The following RANBP17 variants were observed in gnomAD, a reference collection of about 807,000 sequenced individuals.
The protein encoded by RANBP17 is RAN binding protein 17, also known as ran-binding protein 17.
In RANBP17, 158 loss-of-function variants were observed where a neutral mutation model predicts 141.2. That is an observed-to-expected ratio of 1.12 (90% CI 0.98 to 1.28). RANBP17 has a LOEUF of 1.28. Ranked by LOEUF, RANBP17 falls within the 50% of genes most tolerant of loss-of-function variation. The pLI, the probability that RANBP17 is intolerant of heterozygous loss-of-function variation, is 0.00. For missense variants in RANBP17, 1,438 were observed against 1,290.7 expected (o/e 1.11, Z -1.75); for synonymous variants, 430 against 450.0 (o/e 0.96, Z 0.56).
At chr5:170,886,852 G>A (rs928037988) in intron 3 of RANBP17, among the ~76,000 whole-genome samples, 1 of 151,396 alleles carries the variant, frequency 6.6e-6, no homozygotes, top group African/African-American at 2.4e-5. Flanking sequence ...TTCTAGAGAT[G>A]GGGTTTCACC....
chr5:170,911,344 A>T, intron 7 of RANBP17: 1 of 578,232 alleles, frequency 1.7e-6, no homozygotes, highest in Non-Finnish European at 3.0e-6. Context: ...AGGAAAAAAG[A>T]AAAAACAAGG....
chr5:170,926,709 A>AC lies in RANBP17; in HGVS notation c.1468+2159_1468+2160insC, dbSNP rs562582624. Among the ~76,000 whole-genome samples the AC allele has an allele frequency of 4.1e-4, 63 of 151,978 alleles. 1 individual carries two copies. In the South Asian group the frequency reaches 0.013, roughly 31 times the overall value. On this transcript the variant is annotated intron_variant, in intron 12 of 27. Transcript: ENST00000523189. ...GTATTTCATTGTGCAAAAATTAAAA[A>AC]ACTTAAAATGTGTTCTGTTCCAGTG...
At chr5:170,878,406 A>G (rs1768375447) in intron 2 of RANBP17, among the ~76,000 whole-genome samples, 163 bp downstream of exon 2, 1 of 152,170 alleles carries the variant, frequency 6.6e-6, no homozygotes, top group Non-Finnish European at 1.5e-5. Context: ...CAGGAAAAGA[A>G]TTGGAAAACC....
intron 14 of RANBP17, among the ~76,000 whole-genome samples, chr5:171,124,365 A>G (rs571697184): frequency 8.5e-5 from 13 of 152,282 alleles, no homozygotes; most frequent in Non-Finnish European, 8.8e-5. Context: ...ATGAGATGCC[A>G]TAAAGTAACC....
rs1355462066 is a variant in RANBP17, at chr5:171,084,423, T to C, written c.1711-85707T>C. 5.8e-3 allele frequency among the ~76,000 whole-genome samples: 714 copies of C among 122,484 alleles called. 4 individuals are homozygous for C. Among genetic ancestry groups the C allele is most frequent in the Middle Eastern group, 0.012 (3 of 242 alleles). 80.4% of individuals were successfully genotyped at this position (122,484 alleles called of 152,430 possible). A position where few individuals can be genotyped will look rare whatever the true frequency, so the allele number is the denominator to read the frequency against. On this transcript the variant is annotated intron_variant, in intron 14 of 27. Coordinates refer to ENST00000523189, the MANE Select transcript of RANBP17 (RefSeq NM_022897.5). ...TTTGAATAGTGCCACAATAAACATA[T>C]GTGTGCATGTGTCTTTATAGCAGCA...
chr5:170,995,281 T>C (rs1778742237), intron 14 of RANBP17, among the ~76,000 whole-genome samples: 1 of 152,132 alleles, frequency 6.6e-6, no homozygotes, highest in South Asian at 2.1e-4. Context: ...ATGTTGTCTT[T>C]TACAAGGTGT....
At chr5:171,141,335 A>T (rs552189178) in intron 14 of RANBP17, among the ~76,000 whole-genome samples, 1 of 151,638 alleles carries the variant, frequency 6.6e-6, no homozygotes, top group Non-Finnish European at 1.5e-5. Flanking sequence ...AGTGCCTCAC[A>T]CCTGTAATCC....
Position 171,053,278 on chromosome 5 carries a change from G to A in RANBP17, c.1710+84901G>A, listed in dbSNP as rs901531427. ...ACATGGGTAAATTGTGTGTTGCTGA[G>A]GTTCAGTGTACGAATGATCCCATCA... On this transcript the variant is annotated intron_variant, in intron 14 of 27. Coordinates refer to ENST00000523189, the MANE Select transcript of RANBP17 (RefSeq NM_022897.5). Among the ~76,000 whole-genome samples, 14 of 152,030 alleles carry A rather than the reference G, an allele frequency of 9.2e-5. No homozygotes were observed. In the South Asian group the frequency reaches 2.9e-3, roughly 32 times the overall value.
chr5:171,293,975 T>A lies in RANBP17; in HGVS notation c.3036T>A (p.Asn1012Lys), dbSNP rs1412747250. 6.2e-7 allele frequency: 1 copy of A among 1,611,250 alleles called. No homozygotes were observed. Among genetic ancestry groups the A allele is most frequent in the Non-Finnish European group, 8.5e-7 (1 of 1,177,544 alleles). ...CTCTCCTGGGGCTCATCCTGCTCAA[T>A]GAGAAGGTGAGTGTGATTGCAGGAA... ...SRPLLGLILL[N>K]EKYFSELRAS... is the part of the protein sequence containing the mutation. Residue 1012 changes from asparagine to lysine, a missense_variant, in exon 26 of 28, where the codon AAT (asparagine) becomes AAA (lysine). Asn to Lys is a moderately conservative substitution (Grantham distance 94, BLOSUM62 0). Coordinates refer to ENST00000523189, the MANE Select transcript of RANBP17 (RefSeq NM_022897.5).
At chr5:171,295,465 T>A (rs1768760181) in intron 26 of RANBP17, among the ~76,000 whole-genome samples, 1 of 152,182 alleles carries the variant, frequency 6.6e-6, no homozygotes, top group African/African-American at 2.4e-5. Flanking sequence ...TGATAAGGCC[T>A]GAGGAAAGAC....
intron 13 of RANBP17, among the ~76,000 whole-genome samples, chr5:170,967,959 TCA>T (rs1293724906): frequency 2.0e-5 from 3 of 151,980 alleles, no homozygotes; most frequent in Non-Finnish European, 4.4e-5. Context: ...ATTTATTTTA[TCA>T]GTTTTTAGTA....
At chr5:171,221,408 G>T (rs1428547728) in intron 21 of RANBP17, among the ~76,000 whole-genome samples, 1 of 152,116 alleles carries the variant, frequency 6.6e-6, no homozygotes, top group Admixed American at 6.6e-5. Flanking sequence ...CCAAGTATTT[G>T]TCTAAACTTA....
intron 5 of RANBP17, 100 bp from the exon 6 acceptor site, chr5:170,909,561 C>G: frequency 1.7e-6 from 1 of 601,246 alleles, no homozygotes; most frequent in Non-Finnish European, 2.8e-6. Context: ...AACTTGGGTT[C>G]TACTCAAGTT....
chr5:170,999,617 A>T (rs557405260), intron 14 of RANBP17, among the ~76,000 whole-genome samples: 1 of 152,320 alleles, frequency 6.6e-6, no homozygotes, highest in South Asian at 2.1e-4. Context: ...TTAGAAAAAT[A>T]TGGGAATTCT....
chr5:171,120,564 T>C (rs944813799), intron 14 of RANBP17, among the ~76,000 whole-genome samples: 4 of 152,242 alleles, frequency 2.6e-5, no homozygotes, highest in African/African-American at 9.6e-5. Flanking sequence ...CTGTTCTTTT[T>C]ATGCTCTCTG....
intron 25 of RANBP17, among the ~76,000 whole-genome samples, chr5:171,269,251 G>A (rs1337957218): frequency 2.0e-5 from 3 of 152,102 alleles, no homozygotes; most frequent in East Asian, 1.9e-4. Flanking sequence ...AGTTTCTGTC[G>A]TCTCAAAAGC....
At position 171,162,916 on chromosome 5, in the gene RANBP17, CA is replaced by C. The variant is rs1759450169; in HGVS notation, c.1711-7213del. 2.0e-5 allele frequency among the ~76,000 whole-genome samples: 3 copies of C among 152,296 alleles called. No individual in the cohort carries two copies. The South Asian group carries it at 6.2e-4, about 32-fold the overall frequency. On this transcript the variant is annotated intron_variant, in intron 14 of 27. Coordinates refer to ENST00000523189, the MANE Select transcript of RANBP17 (RefSeq NM_022897.5). ...TTTCTTATACAATAGCTTATTCAAG[CA>C]GACTGGGAATGCCTCTTAAGAGATT...
intron 14 of RANBP17, among the ~76,000 whole-genome samples, chr5:171,063,347 G>A (rs916158658): frequency 1.3e-5 from 2 of 152,160 alleles, no homozygotes; most frequent in Non-Finnish European, 2.9e-5. Context: ...TGGTGTGGAT[G>A]TCCTTTCTGT....
chr5:170,955,203 C>G (rs1020176562), intron 13 of RANBP17, among the ~76,000 whole-genome samples: 1 of 151,994 alleles, frequency 6.6e-6, no homozygotes, highest in Non-Finnish European at 1.5e-5. Context: ...GTGCTGAACC[C>G]AAATTGTATG....
Sources: gnomAD v4.1 joint callset for allele counts (sites outside exome capture counted in the v4.1 genomes callset) on GRCh38, gnomAD v4.1.1 for gene constraint, MANE v1.5 for transcripts, NCBI Gene and HGNC (gene_info 2026-07-23, HGNC 2026-07-21) for gene names.